CGNL1: variants seen among roughly 807,000 people sequenced by gnomAD.
The protein encoded by CGNL1 is cingulin like 1, also known as cingulin-like protein 1.
A neutral mutation model predicts 141.2 loss-of-function variants in CGNL1; 132 were observed. The ratio of observed to expected loss-of-function variants is 0.93; its 90% confidence interval spans 0.81 to 1.08. The LOEUF is 1.08. Ranked by LOEUF, CGNL1 falls within the 50% of genes least tolerant of loss-of-function variation. CGNL1 has a pLI of 0.00. For synonymous variants in CGNL1, 690 were observed against 622.1 expected, an observed-to-expected ratio of 1.11 and a Z score of -1.63; for missense variants, 1,870 against 1,588.6, an observed-to-expected ratio of 1.18 and a Z score of -3.01.
intron 14 of CGNL1, among the ~76,000 whole-genome samples, chr15:57,536,586 A>T (rs954667939): frequency 2.0e-5 from 3 of 152,216 alleles, no homozygotes; most frequent in African/African-American, 7.2e-5. Context: ...AAGGTTTCTG[A>T]TTGGCTTATA....
chr15:57,542,164 T>C (rs2032602008), intron 14 of CGNL1, among the ~76,000 whole-genome samples: 1 of 152,110 alleles, frequency 6.6e-6, no homozygotes, highest in African/African-American at 2.4e-5. Flanking sequence ...GAGGAAGGGG[T>C]GAGCTTATCT....
intron 8 of CGNL1, among the ~76,000 whole-genome samples, chr15:57,516,371 C>T (rs1365722156): frequency 1.3e-5 from 2 of 152,198 alleles, no homozygotes; most frequent in African/African-American, 4.8e-5. Flanking sequence ...GAATAGCACC[C>T]GCCTTCTGGA....
chr15:57,458,070 A>T (rs1159330711), intron 7 of CGNL1, among the ~76,000 whole-genome samples: 1 of 152,174 alleles, frequency 6.6e-6, no homozygotes, highest in Admixed American at 6.5e-5. Context: ...TTTATGAAGA[A>T]TAGTAATCTT....
intron 12 of CGNL1, 102 bp downstream of exon 12, chr15:57,524,853 C>T: frequency 8.8e-7 from 1 of 1,141,116 alleles, no homozygotes; most frequent in East Asian, 2.6e-5. Context: ...CGTGAGACAG[C>T]TTTGGTGCTT....
intron 1 of CGNL1, among the ~76,000 whole-genome samples, chr15:57,422,025 C>T (rs912352614): frequency 6.6e-6 from 1 of 152,078 alleles, no homozygotes; most frequent in South Asian, 2.1e-4. Context: ...TCATATTTTA[C>T]AAGCAGAGAA....
chr15:57,402,317 A>G (rs921813082), intron 1 of CGNL1, among the ~76,000 whole-genome samples: 10 of 152,224 alleles, frequency 6.6e-5, no homozygotes, highest in African/African-American at 2.2e-4. Context: ...ACCTTCTGCC[A>G]TGAGTAAAAG....
chr15:57,381,231 A>G (rs1192288392), intron 1 of CGNL1, among the ~76,000 whole-genome samples: 1 of 152,156 alleles, frequency 6.6e-6, no homozygotes, highest in Non-Finnish European at 1.5e-5. Flanking sequence ...ATATGAGGAA[A>G]CTGAGGCCCA....
chr15:57,438,783 C>A lies in CGNL1; in HGVS notation c.784C>A (p.Pro262Thr), dbSNP rs778395768. ...CGGGAGGCCCCTGACTGCCCACAGC[C>A]CACATGCCCACCCTGAAACCAAGAA... ...TSGRPLTAHS[P>T]HAHPETKKTR... The change falls in exon 2 of 19, where the codon CCA becomes ACA. Residue 262 changes from proline to threonine, a missense_variant. Physicochemically the swap from Pro to Thr is conservative, Grantham distance 38 (BLOSUM62 -1). Transcript: ENST00000281282. The A allele has an allele frequency of 6.2e-7, 1 of 1,614,160 alleles. No homozygotes were observed. Among genetic ancestry groups the A allele is most frequent in the Admixed American group, 1.7e-5 (1 of 60,012 alleles).
At chr15:57,539,111 C>T (rs1015520990) in intron 14 of CGNL1, among the ~76,000 whole-genome samples, 6 of 152,126 alleles carry the variant, frequency 3.9e-5, no homozygotes, top group Admixed American at 6.5e-5. Flanking sequence ...AGCTGCAGAG[C>T]GATGCCTGCC....
intron 14 of CGNL1, among the ~76,000 whole-genome samples, chr15:57,542,010 A>G (rs1305319178): frequency 6.6e-6 from 1 of 151,932 alleles, no homozygotes; most frequent in African/African-American, 2.4e-5. Context: ...CCCGTTGCCC[A>G]CTCTGGGCCA....
At chr15:57,390,143 A>G (rs997220943) in intron 1 of CGNL1, among the ~76,000 whole-genome samples, 2 of 152,122 alleles carry the variant, frequency 1.3e-5, no homozygotes, top group South Asian at 2.1e-4. Context: ...ATGACCACAA[A>G]GGTTCATTTT....
At chr15:57,523,762 G>A (rs996273398) in intron 11 of CGNL1, 121 bp downstream of exon 11, 17 of 1,031,392 alleles carry the variant, frequency 1.6e-5, no homozygotes, top group Non-Finnish European at 2.3e-5. Context: ...AAAGTGTCAG[G>A]GATTTGCAGA....
At chr15:57,404,104 C>G (rs1212184319) in intron 1 of CGNL1, among the ~76,000 whole-genome samples, 3 of 152,220 alleles carry the variant, frequency 2.0e-5, no homozygotes, top group Non-Finnish European at 2.9e-5. Context: ...CTTCTCAGCC[C>G]TTTCTCAAGG....
intron 1 of CGNL1, among the ~76,000 whole-genome samples, chr15:57,411,420 T>C (rs1210852445): frequency 6.6e-6 from 1 of 152,006 alleles, no homozygotes; most frequent in East Asian, 1.9e-4. Flanking sequence ...ACTGTCCAGA[T>C]GCCACTAGTT....
intron 8 of CGNL1, among the ~76,000 whole-genome samples, chr15:57,504,004 C>T (rs1377287962): frequency 6.6e-6 from 1 of 152,084 alleles, no homozygotes; most frequent in Non-Finnish European, 1.5e-5. Flanking sequence ...GCCCCCTGTG[C>T]CCTGCGTGGC....
At chr15:57,388,414 A>C (rs1241015011) in intron 1 of CGNL1, among the ~76,000 whole-genome samples, 6 of 152,126 alleles carry the variant, frequency 3.9e-5, no homozygotes, top group African/African-American at 1.2e-4. Flanking sequence ...TGATTTGTAG[A>C]GGTTGCCAAG....
intron 8 of CGNL1, among the ~76,000 whole-genome samples, chr15:57,478,937 C>A (rs549410472): frequency 1.3e-5 from 2 of 152,308 alleles, no homozygotes; most frequent in African/African-American, 4.8e-5. Context: ...CAGCTCCTGG[C>A]CCAGATTCTT....
Position 57,523,622 on chromosome 15 carries a change from T to C in CGNL1, c.2849T>C (p.Ile950Thr), listed in dbSNP as rs1167267591. The C allele has an allele frequency of 2.5e-6, 4 of 1,613,730 alleles. No homozygotes were observed. The African/African-American group carries it at 4.0e-5, about 16-fold the overall frequency. ...ENERWHLGKT[I>T]EKLQKEMADI... The stretch of plus-strand genomic sequence containing the variant: ...GAGCGGTGGCACCTGGGCAAAACCA[T>C]TGAGAAACTGCAGAAGGAGGTGAGG... Residue 950 changes from isoleucine to threonine, a missense_variant, in exon 11 of 19, where the codon ATT (isoleucine) becomes ACT (threonine). Transcript: ENST00000281282.
intron 14 of CGNL1, among the ~76,000 whole-genome samples, chr15:57,538,137 A>G (rs1208004065): frequency 6.6e-6 from 1 of 152,256 alleles, no homozygotes; most frequent in Admixed American, 6.5e-5. Context: ...AGGGACACAT[A>G]GGATACTTCT....
Sources: allele counts gnomAD v4.1 joint callset (sites outside exome capture counted in the v4.1 genomes callset), GRCh38; gene constraint gnomAD v4.1.1; transcripts MANE v1.5; gene names NCBI Gene and HGNC (gene_info 2026-07-23, HGNC 2026-07-21).